DCC: variants seen among roughly 807,000 people sequenced by gnomAD.
DCC encodes the protein DCC netrin 1 receptor, also known as netrin receptor DCC.
In DCC, 58 loss-of-function variants were observed where a neutral mutation model predicts 172.5. The ratio of observed to expected loss-of-function variants is 0.34; its 90% CI spans 0.27 to 0.42. DCC has a LOEUF of 0.42. Ranked by LOEUF, DCC falls within the 10% of genes least tolerant of loss-of-function variation. The pLI is 1.00. For synonymous variants in DCC, 709 were observed against 644.5 expected, an observed-to-expected ratio of 1.10 and a Z score of -1.52; for missense variants, 1,740 against 1,791.0, an observed-to-expected ratio of 0.97 and a Z score of 0.51.
chr18:52,387,080 A>C (rs557620848), intron 1 of DCC, among the ~76,000 whole-genome samples: 1 of 152,176 alleles, frequency 6.6e-6, no homozygotes, highest in Non-Finnish European at 1.5e-5. Flanking sequence ...TTCAGCTGAA[A>C]ATGTCTTTCT....
chr18:52,918,029 T>C (rs1281066565), intron 3 of DCC, among the ~76,000 whole-genome samples: 4 of 152,166 alleles, frequency 2.6e-5, no homozygotes, highest in Non-Finnish European at 5.9e-5. Context: ...AAATATGTTT[T>C]CTAGGACCCA....
At chr18:53,336,055 A>C (rs145311291) in intron 14 of DCC, among the ~76,000 whole-genome samples, 2,530 of 152,306 alleles carry the variant, frequency 0.017, 36 homozygotes, top group Middle Eastern at 0.034. Flanking sequence ...GGGTGGGAAC[A>C]CAACCAAACC....
At chr18:53,217,324 C>A (rs958330357) in intron 12 of DCC, among the ~76,000 whole-genome samples, 1 of 117,992 alleles carries the variant, frequency 8.5e-6, no homozygotes, top group African/African-American at 2.9e-5. Context: ...CACACACACA[C>A]ACACACACAC....
At chr18:52,675,758 CG>C (rs1311397404) in intron 1 of DCC, among the ~76,000 whole-genome samples, 2 of 152,186 alleles carry the variant, frequency 1.3e-5, no homozygotes, top group Non-Finnish European at 2.9e-5. Flanking sequence ...GGAAGATTTT[CG>C]GCAACAAGCG....
chr18:53,145,506 T>C (rs898373192), intron 7 of DCC, among the ~76,000 whole-genome samples: 1 of 151,558 alleles, frequency 6.6e-6, no homozygotes, highest in Non-Finnish European at 1.5e-5. Context: ...CAGCAACGGG[T>C]GTCATCTATG....
At chr18:53,354,947 T>C (rs1401195886) in intron 15 of DCC, among the ~76,000 whole-genome samples, 1 of 152,122 alleles carries the variant, frequency 6.6e-6, no homozygotes, top group African/African-American at 2.4e-5. Context: ...GAATTAATTT[T>C]TGTATAAGGT....
intron 27 of DCC, among the ~76,000 whole-genome samples, chr18:53,510,120 G>A (rs2046232453): frequency 6.6e-6 from 1 of 152,084 alleles, no homozygotes; most frequent in Admixed American, 6.5e-5. Flanking sequence ...TGGGGAAATG[G>A]GATGTGTTGT....
chr18:52,358,549 T>G lies in DCC; in HGVS notation c.91+17671T>G, dbSNP rs79968308. 1.9e-3 allele frequency among the ~76,000 whole-genome samples: 283 copies of G among 152,326 alleles called. 9 individuals are homozygous for G. In the East Asian group the frequency reaches 0.041, roughly 22 times the overall value. On this transcript the variant is annotated intron_variant, in intron 1 of 28. Coordinates refer to ENST00000442544, the MANE Select transcript of DCC (RefSeq NM_005215.4). ...TATTACCATATTTCCACATTACCAC[T>G]GCTCAACAGGCAGTGAGCACTAGCA...
chr18:53,332,365 G>C (rs897528615), intron 14 of DCC, among the ~76,000 whole-genome samples: 2 of 152,056 alleles, frequency 1.3e-5, no homozygotes, highest in Non-Finnish European at 2.9e-5. Context: ...TAAACAAAAA[G>C]ACAAAATGCA....
At position 52,481,660 on chromosome 18, in the gene DCC, G is replaced by T. The variant is rs553629235; in HGVS notation, c.91+140782G>T. On this transcript the variant is annotated intron_variant, in intron 1 of 28. Coordinates refer to ENST00000442544, the MANE Select transcript of DCC (RefSeq NM_005215.4). ...AACAGCCTGTCCAGATTCCCTTCCT[G>T]ATATTTTCTAAGAAATGCTGAGGTT... is the stretch of plus-strand genomic sequence containing the variant. 2.8e-4 allele frequency among the ~76,000 whole-genome samples: 42 copies of T among 151,980 alleles called. No homozygotes were observed. In the East Asian group the frequency reaches 8.0e-3, roughly 29 times the overall value.
intron 1 of DCC, among the ~76,000 whole-genome samples, chr18:52,604,045 G>T (rs1347377637): frequency 6.6e-6 from 1 of 151,944 alleles, no homozygotes; most frequent in African/African-American, 2.4e-5. Flanking sequence ...TTAAGTAAAG[G>T]TGGCATCTAA....
At chr18:52,342,941 T>C (rs1364779812) in intron 1 of DCC, among the ~76,000 whole-genome samples, 1 of 152,228 alleles carries the variant, frequency 6.6e-6, no homozygotes, top group Non-Finnish European at 1.5e-5. Flanking sequence ...TCATTTTAAT[T>C]TTCTCCTCAA....
intron 5 of DCC, among the ~76,000 whole-genome samples, chr18:53,036,978 G>A (rs1253190130): frequency 6.6e-6 from 1 of 151,928 alleles, no homozygotes; most frequent in African/African-American, 2.4e-5. Flanking sequence ...TTTTCAAGCA[G>A]GTAGTAGAGC....
chr18:52,671,861 C>T (rs1467396681), intron 1 of DCC, among the ~76,000 whole-genome samples: 1 of 152,086 alleles, frequency 6.6e-6, no homozygotes, highest in Non-Finnish European at 1.5e-5. Context: ...TTTCCCATCA[C>T]ATTTGCAGAA....
At chr18:52,972,680 C>T (rs893127768) in intron 5 of DCC, among the ~76,000 whole-genome samples, 9 of 152,284 alleles carry the variant, frequency 5.9e-5, no homozygotes, top group African/African-American at 2.2e-4. Flanking sequence ...CTTATCTACA[C>T]TTTCCTCTTC....
At chr18:53,334,859 C>T (rs558442608) in intron 14 of DCC, among the ~76,000 whole-genome samples, 1 of 152,202 alleles carries the variant, frequency 6.6e-6, no homozygotes, top group East Asian at 1.9e-4. Flanking sequence ...TGATTTCTTC[C>T]ACCTTTTGGC....
At chr18:52,623,481 G>C (rs986511178) in intron 1 of DCC, among the ~76,000 whole-genome samples, 1 of 152,124 alleles carries the variant, frequency 6.6e-6, no homozygotes, top group Non-Finnish European at 1.5e-5. Flanking sequence ...AAGTGTGGGG[G>C]GAGAGAGAGG....
chr18:53,259,033 C>A (rs1435415476), intron 12 of DCC, among the ~76,000 whole-genome samples: 1 of 151,548 alleles, frequency 6.6e-6, no homozygotes, highest in Non-Finnish European at 1.5e-5. Flanking sequence ...GATTGCAACC[C>A]CTGCCTTTTT....
At chr18:52,684,778 A>G (rs1194135117) in intron 1 of DCC, among the ~76,000 whole-genome samples, 4 of 152,154 alleles carry the variant, frequency 2.6e-5, no homozygotes, top group African/African-American at 7.2e-5. Context: ...GAATTTGTAA[A>G]GGATCTTCAA....
Sources: gnomAD v4.1 joint callset for allele counts (sites outside exome capture counted in the v4.1 genomes callset) on GRCh38, gnomAD v4.1.1 for gene constraint, MANE v1.5 for transcripts, NCBI Gene and HGNC (gene_info 2026-07-23, HGNC 2026-07-21) for gene names.